The following ASTN2 variants were observed in gnomAD, a reference collection of about 807,000 sequenced individuals.
ASTN2 encodes astrotactin-2.
In ASTN2, 54 loss-of-function variants were observed where a neutral mutation model predicts 139.8. That is an observed-to-expected ratio of 0.39 (90% CI 0.31 to 0.48). The LOEUF is 0.48. ASTN2 is among the 20% of genes least tolerant of loss of function. The pLI is 0.95. For synonymous variants in ASTN2, 756 were observed against 719.5 expected (o/e 1.05, Z -0.81); for missense variants, 1,565 against 1,725.1 (o/e 0.91, Z 1.64).
chr9:116,816,745 G>A (rs2132264474), intron 12 of ASTN2, among the ~76,000 whole-genome samples: 1 of 152,186 alleles, frequency 6.6e-6, no homozygotes, highest in South Asian at 2.1e-4. Context: ...CAGCCCCAGA[G>A]AAAGGATGAT....
At chr9:116,606,790 A>G (rs959649002) in intron 19 of ASTN2, among the ~76,000 whole-genome samples, 3 of 152,158 alleles carry the variant, frequency 2.0e-5, no homozygotes, top group Non-Finnish European at 4.4e-5. Flanking sequence ...ATAGCTTGTG[A>G]AAAAGGTGCT....
At chr9:116,775,225 AG>A (rs1265660394) in intron 13 of ASTN2, among the ~76,000 whole-genome samples, 1 of 152,098 alleles carries the variant, frequency 6.6e-6, no homozygotes, top group African/African-American at 2.4e-5. Context: ...GGATAATAAA[AG>A]GCCCAATTAC....
At chr9:116,902,621 T>A (rs755093046) in intron 10 of ASTN2, among the ~76,000 whole-genome samples, 7 of 152,080 alleles carry the variant, frequency 4.6e-5, no homozygotes, top group Non-Finnish European at 7.3e-5. Context: ...TGTAGTATAA[T>A]CTAGGATGTT....
At chr9:117,171,705 G>A (rs1277886580) in intron 3 of ASTN2, among the ~76,000 whole-genome samples, 1 of 151,924 alleles carries the variant, frequency 6.6e-6, no homozygotes, top group East Asian at 1.9e-4. Flanking sequence ...CTACTGCCTT[G>A]TGAAGAAGGT....
At chr9:116,665,205 T>C (rs1858790535) in intron 16 of ASTN2, among the ~76,000 whole-genome samples, 1 of 152,192 alleles carries the variant, frequency 6.6e-6, no homozygotes, top group African/African-American at 2.4e-5. Flanking sequence ...TTTTTCCTTA[T>C]AAATTACTCA....
At chr9:116,962,976 T>A (rs1429549812) in intron 10 of ASTN2, among the ~76,000 whole-genome samples, 1 of 152,196 alleles carries the variant, frequency 6.6e-6, no homozygotes, top group Non-Finnish European at 1.5e-5. Context: ...ATCCTCTCTC[T>A]GAGCTATTTA....
At chr9:117,398,610 G>A (rs1184971406) in intron 1 of ASTN2, among the ~76,000 whole-genome samples, 1 of 152,158 alleles carries the variant, frequency 6.6e-6, no homozygotes, top group Admixed American at 6.5e-5. Context: ...CCCCTCTTTG[G>A]CACCAAAGGT....
chr9:116,849,317 G>A (rs983417728), intron 11 of ASTN2, among the ~76,000 whole-genome samples: 4 of 152,020 alleles, frequency 2.6e-5, no homozygotes, highest in African/African-American at 9.7e-5. Flanking sequence ...GTTGGGGGTG[G>A]GGCTAAAAGT....
chr9:116,780,903 G>A (rs550376180), intron 13 of ASTN2, among the ~76,000 whole-genome samples: 7 of 151,018 alleles, frequency 4.6e-5, no homozygotes, highest in Middle Eastern at 3.4e-3. Context: ...GCAATGGCGC[G>A]ATCTTGGCTC....
intron 19 of ASTN2, among the ~76,000 whole-genome samples, chr9:116,591,594 A>G (rs1483060666): frequency 6.6e-6 from 1 of 152,248 alleles, no homozygotes; most frequent in Admixed American, 6.5e-5. Flanking sequence ...AACAATATGA[A>G]TGGATCCTGT....
At chr9:117,258,519 G>A (rs566872105) in intron 2 of ASTN2, among the ~76,000 whole-genome samples, 6 of 152,262 alleles carry the variant, frequency 3.9e-5, no homozygotes, top group Admixed American at 2.6e-4. Flanking sequence ...AATTCACACC[G>A]GGTTATGTAA....
chr9:116,960,253 A>C (rs1588442362), intron 10 of ASTN2, among the ~76,000 whole-genome samples: 1 of 152,136 alleles, frequency 6.6e-6, no homozygotes, highest in East Asian at 1.9e-4. Flanking sequence ...GGGTTTCAAA[A>C]ACCTGAGGTT....
At chr9:117,118,466 AG>A (rs141602033) in intron 4 of ASTN2, among the ~76,000 whole-genome samples, 8,983 of 152,240 alleles carry the variant, frequency 0.059, 395 homozygotes, top group East Asian at 0.21. Context: ...CTGCAACATT[AG>A]ATGAAGCTAT....
intron 13 of ASTN2, among the ~76,000 whole-genome samples, chr9:116,746,070 G>A (rs1388574640): frequency 1.3e-5 from 2 of 151,074 alleles, no homozygotes; most frequent in Admixed American, 6.6e-5. Context: ...AGCCAGCCAA[G>A]GCAAACTGAG....
chr9:117,147,330 A>G (rs1331353382), intron 3 of ASTN2, among the ~76,000 whole-genome samples: 2 of 152,094 alleles, frequency 1.3e-5, no homozygotes, highest in East Asian at 3.9e-4. Context: ...CCAGATATTC[A>G]GGTAGCTGAG....
chr9:116,440,797 G>C lies in ASTN2; in HGVS notation c.3599-5C>G. 1 of 1,611,152 alleles carries C rather than the reference G, an allele frequency of 6.2e-7. No homozygotes were observed. On this transcript the variant is annotated splice_polypyrimidine_tract_variant and splice_region_variant and intron_variant, in intron 21 of 22. Coordinates refer to ENST00000313400, the MANE Select transcript of ASTN2 (RefSeq NM_001365068.1). ...TGTAGATCTTGTCAGCTATTTCTGA[G>C]AGGGCAGAAGGGCAGAAACAGATCA...
intron 2 of ASTN2, among the ~76,000 whole-genome samples, chr9:117,240,650 A>G (rs1833177926): frequency 6.6e-6 from 1 of 152,120 alleles, no homozygotes; most frequent in South Asian, 2.1e-4. Context: ...CCATAGATAA[A>G]CCTTCTAACA....
chr9:116,424,884 T>C lies in ASTN2; in HGVS notation c.*967A>G, dbSNP rs776596295. On this transcript the variant is annotated 3_prime_UTR_variant, in exon 23 of 23. Transcript: ENST00000313400. ...GATTACAGGCATGAGCCACTGTGCCTGGCAAGCAAATCCCATCTTTTTCAC... is the reference window on the plus strand; with the variant it reads ...GATTACAGGCATGAGCCACTGTGCCCGGCAAGCAAATCCCATCTTTTTCAC... Among the ~76,000 whole-genome samples the C allele has an allele frequency of 2.0e-5, 3 of 152,162 alleles. No individual in the cohort carries two copies. Among genetic ancestry groups the C allele is most frequent in the Non-Finnish European group, 4.4e-5 (3 of 68,024 alleles).
At chr9:116,594,414 T>C (rs1291992319) in intron 19 of ASTN2, among the ~76,000 whole-genome samples, 2 of 152,188 alleles carry the variant, frequency 1.3e-5, no homozygotes, top group Non-Finnish European at 2.9e-5. Flanking sequence ...TAGTCAATAA[T>C]TGTTTGTCAG....
Sources: gnomAD v4.1 joint callset for allele counts (sites outside exome capture counted in the v4.1 genomes callset) on GRCh38, gnomAD v4.1.1 for gene constraint, MANE v1.5 for transcripts, NCBI Gene and HGNC (gene_info 2026-07-23, HGNC 2026-07-21) for gene names.